Variants in RPN2 observed in about 807,000 individuals in gnomAD.
The protein encoded by RPN2 is ribophorin II, also known as dolichyl-diphosphooligosaccharide--protein glycosyltransferase subunit 2.
A neutral mutation model predicts 71.4 loss-of-function variants in RPN2; 29 were observed. That is an observed-to-expected ratio of 0.41 (90% CI 0.30 to 0.55). RPN2 has a LOEUF of 0.55. Among genes scored for constraint, RPN2 ranks in the 20% least tolerant of loss-of-function variants. The pLI, the probability that RPN2 is intolerant of heterozygous loss-of-function variation, is 0.35. For missense variants in RPN2, 726 were observed against 774.1 expected (o/e 0.94, Z 0.74); for synonymous variants, 308 against 305.0 (o/e 1.01, Z -0.10).
chr20:37,213,708 T>C, intron 8 of RPN2, 52 bp from the exon 9 acceptor site: 1 of 1,356,384 alleles, frequency 7.4e-7, no homozygotes, highest in Non-Finnish European at 1.1e-6. Context: ...GTTTGTTATA[T>C]CCATGACTTT....
chr20:37,219,861 T>G (rs2067908140), intron 9 of RPN2, among the ~76,000 whole-genome samples: 1 of 152,116 alleles, frequency 6.6e-6, no homozygotes, highest in Non-Finnish European at 1.5e-5. Flanking sequence ...AGGAATCACT[T>G]GACAATAAAT....
rs554859248 is a variant in RPN2 at position 37,241,431 on chromosome 20, T to G, written c.*116T>G. ...AAACTTTATTTAAAAAAGAAAAAAG[T>G]CCAGATTGTAGTTATACTTTTGCTT... is the stretch of plus-strand genomic sequence containing the variant. On this transcript the variant is annotated 3_prime_UTR_variant, in exon 17 of 17. Coordinates refer to ENST00000237530, the MANE Select transcript of RPN2 (RefSeq NM_002951.5). The G allele has an allele frequency of 7.9e-7, 1 of 1,264,120 alleles. No individual in the cohort carries two copies. Among genetic ancestry groups the G allele is most frequent in the Admixed American group, 2.2e-5 (1 of 46,356 alleles). The allele number at this position is 1,264,120 out of a possible 1,614,324, so 78.3% of individuals were successfully genotyped here. A position where few individuals can be genotyped will look rare whatever the true frequency, so the allele number is the denominator to read the frequency against.
chr20:37,199,285 G>C (rs749073065), intron 4 of RPN2, 60 bp downstream of exon 4: 10 of 1,589,604 alleles, frequency 6.3e-6, no homozygotes, highest in Non-Finnish European at 8.6e-6. Context: ...ATCCGAAGAG[G>C]GCTCATTCAT....
Position 37,198,300 on chromosome 20 carries a change from A to G in RPN2, c.208-97A>G, listed in dbSNP as rs1016179912. 20 of 1,603,778 alleles carry G rather than the reference A, an allele frequency of 1.2e-5. No individual in the cohort carries two copies. The African/African-American group carries it at 2.5e-4, about 20-fold the overall frequency. ...ATTCATGTAGCTCATTCCTTAAGCCATCTATAATGGCTGAGAATGTTATCT... is the reference window on the plus strand; with the variant it reads ...ATTCATGTAGCTCATTCCTTAAGCCGTCTATAATGGCTGAGAATGTTATCT... On this transcript the variant is annotated intron_variant, in intron 2 of 16. Transcript: ENST00000237530.
intron 9 of RPN2, among the ~76,000 whole-genome samples, chr20:37,221,574 T>C (rs1297569399): frequency 6.6e-6 from 1 of 152,212 alleles, no homozygotes; most frequent in Admixed American, 6.5e-5. Flanking sequence ...GTCTTCTGTT[T>C]ATGGACATTT....
intron 15 of RPN2, 68 bp from the exon 16 acceptor site, chr20:37,236,512 A>G: frequency 1.9e-6 from 3 of 1,563,858 alleles, no homozygotes; most frequent in South Asian, 1.1e-5. Context: ...TGCTATGTCT[A>G]ACTTTCCTCA....
intron 7 of RPN2, among the ~76,000 whole-genome samples, chr20:37,209,096 G>A (rs1450165192): frequency 6.6e-6 from 1 of 152,146 alleles, no homozygotes; most frequent in Non-Finnish European, 1.5e-5. Flanking sequence ...TGCTTAACTG[G>A]CCATGTGACC....
At chr20:37,204,076 A>AT in intron 5 of RPN2, 116 bp downstream of exon 5, 1 of 754,314 alleles carries the variant, frequency 1.3e-6, no homozygotes, top group South Asian at 1.5e-5. Flanking sequence ...TCTTATATCC[A>AT]TGGCACACTT....
intron 4 of RPN2, among the ~76,000 whole-genome samples, chr20:37,200,055 C>T (rs891959542): frequency 6.6e-5 from 10 of 151,726 alleles, no homozygotes; most frequent in African/African-American, 1.7e-4. Context: ...AGTGCAGTGA[C>T]GCGATCTCAG....
chr20:37,200,625 G>A (rs1473250308), intron 4 of RPN2: 17 of 402,166 alleles, frequency 4.2e-5, no homozygotes, highest in Middle Eastern at 3.7e-4. Flanking sequence ...GGGTTCACAG[G>A]CAATTGACAT....
intron 9 of RPN2, among the ~76,000 whole-genome samples, chr20:37,215,126 C>G (rs190187069): frequency 1.2e-4 from 19 of 152,194 alleles, no homozygotes; most frequent in African/African-American, 4.3e-4. Flanking sequence ...TTACTATATA[C>G]ATTGTGGTCC....
At chr20:37,208,326 G>T (rs2067567130) in intron 7 of RPN2, among the ~76,000 whole-genome samples, 1 of 150,972 alleles carries the variant, frequency 6.6e-6, no homozygotes, top group South Asian at 2.1e-4. Context: ...GCATTTCTAG[G>T]TCTATAACTC....
At chr20:37,197,090 C>T (rs182872348) in intron 2 of RPN2, among the ~76,000 whole-genome samples, 2 of 152,180 alleles carry the variant, frequency 1.3e-5, no homozygotes, top group East Asian at 1.9e-4. Flanking sequence ...GGGTCAAACA[C>T]GTCAAATGGC....
chr20:37,222,270 C>T (rs757288689), intron 9 of RPN2, among the ~76,000 whole-genome samples: 9 of 152,214 alleles, frequency 5.9e-5, no homozygotes, highest in East Asian at 3.8e-4. Flanking sequence ...GCCATAATTT[C>T]ACCCAGTTGC....
intron 14 of RPN2, among the ~76,000 whole-genome samples, chr20:37,233,317 C>G (rs545616899): frequency 6.6e-6 from 1 of 152,098 alleles, no homozygotes; most frequent in African/African-American, 2.4e-5. Context: ...TACCTTTTCT[C>G]CTTTTCAGTA....
At chr20:37,180,743 C>T (rs1174048116) in intron 1 of RPN2, among the ~76,000 whole-genome samples, 2 of 152,204 alleles carry the variant, frequency 1.3e-5, no homozygotes, top group Non-Finnish European at 2.9e-5. Context: ...CATCACTTCT[C>T]ATCATGTTCA....
intron 15 of RPN2, among the ~76,000 whole-genome samples, chr20:37,236,242 A>C (rs2068386058): frequency 6.6e-6 from 1 of 151,914 alleles, no homozygotes; most frequent in Non-Finnish European, 1.5e-5. Context: ...ACAGACATGG[A>C]CCATTACGCC....
In RPN2 at chr20:37,230,066, C is replaced by G. The variant is rs763829238; in HGVS notation, c.1581+7C>G. 1.8e-5 allele frequency: 29 copies of G among 1,605,954 alleles called. No homozygotes were observed. The highest frequency in any genetic ancestry group is 1.6e-4 in the Middle Eastern group (1 of 6,070). ...TCCAAAACAGGAAATTCAGGTATATCCCAAAGGGCCTATCCACTAAACGTG... is the reference window on the plus strand; with the variant it reads ...TCCAAAACAGGAAATTCAGGTATATGCCAAAGGGCCTATCCACTAAACGTG... On this transcript the variant is annotated splice_region_variant and intron_variant, in intron 13 of 16. Coordinates refer to ENST00000237530, the MANE Select transcript of RPN2 (RefSeq NM_002951.5).
chr20:37,238,830 G>A (rs1458534417), intron 16 of RPN2: 2 of 529,294 alleles, frequency 3.8e-6, no homozygotes, highest in South Asian at 1.4e-5. Flanking sequence ...ACGGTCCCAT[G>A]GCAAATCCTG....
Sources: allele counts gnomAD v4.1 joint callset (sites outside exome capture counted in the v4.1 genomes callset), GRCh38; gene constraint gnomAD v4.1.1; transcripts MANE v1.5; gene names NCBI Gene and HGNC (gene_info 2026-07-23, HGNC 2026-07-21).